TRPM8: variants seen among roughly 807,000 people sequenced by gnomAD.
TRPM8 encodes the protein TRPM8 cationic channel.
In TRPM8, 110 loss-of-function variants were observed where a neutral mutation model predicts 133.7. That is an observed-to-expected ratio of 0.82 (90% confidence interval 0.70 to 0.96). TRPM8 has a LOEUF of 0.96. TRPM8 is among the 40% of genes least tolerant of loss of function. TRPM8 has a pLI of 0.00. For synonymous variants in TRPM8, 535 were observed against 532.3 expected, an observed-to-expected ratio of 1.01 and a Z score of -0.07; for missense variants, 1,291 against 1,379.5, an observed-to-expected ratio of 0.94 and a Z score of 1.02.
At chr2:233,932,397 A>T (rs963779057) in intron 3 of TRPM8, among the ~76,000 whole-genome samples, 1 of 152,168 alleles carries the variant, frequency 6.6e-6, no homozygotes, top group Non-Finnish European at 1.5e-5. Context: ...ATGGCTCTTA[A>T]TGGTCTTGCT....
In TRPM8 at chr2:233,939,072, A is replaced by C; in HGVS notation, c.423A>C (p.Thr141=). 6.2e-7 allele frequency: 1 copy of C among 1,614,146 alleles called. No individual in the cohort carries two copies. Among genetic ancestry groups the C allele is most frequent in the East Asian group, 2.2e-5 (1 of 44,874 alleles). ...ELLTQHWHLK[T]PNLVISVTGG... ...TGACCCAGCACTGGCACCTGAAAAC[A>C]CCCAACCTGGTCATTTCTGTGACCG... Residue 141 remains threonine (T), a synonymous_variant, in exon 5 of 26, where the codon ACA becomes ACC. Transcript: ENST00000324695.
At chr2:233,961,515 A>G (rs1691437002) in intron 12 of TRPM8, among the ~76,000 whole-genome samples, 1 of 152,124 alleles carries the variant, frequency 6.6e-6, no homozygotes, top group Non-Finnish European at 1.5e-5. Flanking sequence ...CATGTTGGCC[A>G]GGCTGGTCTC....
chr2:233,939,564 TGCC>T (rs1167989374), intron 5 of TRPM8, among the ~76,000 whole-genome samples: 1 of 152,228 alleles, frequency 6.6e-6, no homozygotes, highest in Non-Finnish European at 1.5e-5. Flanking sequence ...GTAGTGACAG[TGCC>T]TGAGAAATTG....
chr2:233,964,592 A>G lies in TRPM8; in HGVS notation c.1750-36A>G, dbSNP rs764317614. The G allele has an allele frequency of 2.5e-5, 37 of 1,454,416 alleles. No homozygotes were observed. In the African/African-American group the frequency reaches 5.1e-4, roughly 20 times the overall value. 90.1% of individuals were successfully genotyped at this position (1,454,416 alleles called of 1,614,324 possible). On this transcript the variant is annotated intron_variant, in intron 13 of 25. Transcript: ENST00000324695. ...AAAAAAAAAAAGAAAAGGAAAAAAA[A>G]GAATTAACCTTAAAATTCTTCACCC...
chr2:233,964,595 A>T (rs767649031), intron 13 of TRPM8, 33 bp from the exon 14 acceptor site: 3 of 1,456,064 alleles, frequency 2.1e-6, no homozygotes, highest in South Asian at 3.0e-5. Flanking sequence ...AAAAAAAAGA[A>T]TTAACCTTAA....
chr2:233,941,656 A>G (rs1574705860), intron 5 of TRPM8, among the ~76,000 whole-genome samples: 2 of 152,164 alleles, frequency 1.3e-5, no homozygotes, highest in African/African-American at 4.8e-5. Context: ...AACATATTAC[A>G]CTAGGGTCAT....
At position 234,018,810 on chromosome 2, in the gene TRPM8, A is replaced by C. The variant is rs1374359917; in HGVS notation, c.*1554A>C. The C allele has an allele frequency of 6.6e-6, 1 of 151,508 alleles. No homozygotes were observed. Among genetic ancestry groups the C allele is most frequent in the East Asian group, 1.9e-4 (1 of 5,182 alleles). The allele number at this position is 151,508 out of a possible 1,614,324, so 9.4% of individuals were successfully genotyped here. ...CAGTGAACCAAGATTGCACCACTGC[A>C]CTCCAGCCGGGGTGACAGAGTGAGA... is the stretch of plus-strand genomic sequence containing the variant. On this transcript the variant is annotated 3_prime_UTR_variant, in exon 26 of 26. Transcript: ENST00000324695.
intron 17 of TRPM8, among the ~76,000 whole-genome samples, chr2:233,978,955 G>A (rs2125269135): frequency 6.6e-6 from 1 of 152,314 alleles, no homozygotes; most frequent in South Asian, 2.1e-4. Context: ...TTCCACATCT[G>A]AGACTGTAGG....
Position 233,981,847 on chromosome 2 carries a change from C to T in TRPM8, c.2521C>T (p.Leu841=). 1.2e-6 allele frequency: 2 copies of T among 1,613,842 alleles called. No individual in the cohort carries two copies. The highest frequency in any genetic ancestry group is 1.7e-6 in the Non-Finnish European group (2 of 1,179,872). Residue 841 remains leucine, a synonymous_variant, in exon 19 of 26, where the codon CTA becomes TTA. Coordinates refer to ENST00000324695, the MANE Select transcript of TRPM8 (RefSeq NM_024080.5). The part of the protein sequence containing the change: ...IFCLDYIIFT[L]RLIHIFTVSR... ...CTGTCTGGACTACATTATTTTCACT[C>T]TAAGATTGATCCACATTTTTACTGT... is the stretch of plus-strand genomic sequence containing the variant.
intron 12 of TRPM8, 35 bp downstream of exon 12, chr2:233,961,101 G>C: frequency 6.3e-7 from 1 of 1,596,224 alleles, no homozygotes; most frequent in Non-Finnish European, 8.5e-7. Flanking sequence ...TTGAGTTCTC[G>C]GATATTTTGA....
chr2:233,981,829 G>C lies in TRPM8; in HGVS notation c.2503G>C (p.Asp835His). 1 of 1,613,622 alleles carries C rather than the reference G, an allele frequency of 6.2e-7. No homozygotes were observed. Among genetic ancestry groups the C allele is most frequent in the Non-Finnish European group, 8.5e-7 (1 of 1,179,786 alleles). Residue 835 changes from aspartate to histidine, a missense_variant, in exon 19 of 26, where the codon GAC becomes CAC. Asp to His is a moderately conservative substitution (Grantham distance 81). Transcript: ENST00000324695. ...LYSGRVIFCL[D>H]YIIFTLRLIH... The stretch of plus-strand genomic sequence containing the variant: ...TTCTGGACGAGTCATTTTCTGTCTG[G>C]ACTACATTATTTTCACTCTAAGATT...
At chr2:233,960,336 G>C (rs1029439185) in intron 11 of TRPM8, among the ~76,000 whole-genome samples, 1 of 152,136 alleles carries the variant, frequency 6.6e-6, no homozygotes, top group African/African-American at 2.4e-5. Context: ...AGACAGCACT[G>C]GTGGCTGGGT....
chr2:233,952,499 A>C (rs139512993), intron 9 of TRPM8, among the ~76,000 whole-genome samples: 32 of 152,054 alleles, frequency 2.1e-4, no homozygotes, highest in Non-Finnish European at 3.4e-4. Context: ...CAGCATGTGC[A>C]AAGGTCCTGA....
At chr2:233,964,798 G>A (rs1691526047) in intron 14 of TRPM8, 41 bp downstream of exon 14, 3 of 1,559,390 alleles carry the variant, frequency 1.9e-6, no homozygotes, top group Admixed American at 1.7e-5. Flanking sequence ...GCGCGGATCT[G>A]CCATGTGGCA....
chr2:233,935,445 G>A (rs1691771437), intron 3 of TRPM8, among the ~76,000 whole-genome samples: 1 of 152,196 alleles, frequency 6.6e-6, no homozygotes, highest in South Asian at 2.1e-4. Context: ...GTGGTGAATG[G>A]CTGACCACAA....
At chr2:233,990,415 C>T (rs1244199592) in intron 21 of TRPM8, among the ~76,000 whole-genome samples, 2 of 152,204 alleles carry the variant, frequency 1.3e-5, no homozygotes, top group Admixed American at 6.5e-5. Context: ...ACTGGGGGAT[C>T]TCCCTTTATG....
intron 4 of TRPM8, among the ~76,000 whole-genome samples, chr2:233,937,829 C>T (rs973788122): frequency 8.5e-5 from 13 of 152,208 alleles, no homozygotes; most frequent in African/African-American, 3.1e-4. Context: ...AACCCTACTG[C>T]TTAGCTCTGC....
Position 234,006,958 on chromosome 2 carries a change from T to C in TRPM8, c.3230+6T>C. ...GCCAACGACACCTCAGAGGAGTATG[T>C]CAGACATCCCTTTCTGCTTTGCAAG... On this transcript the variant is annotated splice_donor_region_variant and intron_variant, in intron 23 of 25. Coordinates refer to ENST00000324695, the MANE Select transcript of TRPM8 (RefSeq NM_024080.5). 6.2e-7 allele frequency: 1 copy of C among 1,609,772 alleles called. No individual in the cohort carries two copies. The highest frequency in any genetic ancestry group is 1.1e-5 in the South Asian group (1 of 90,828).
intron 21 of TRPM8, among the ~76,000 whole-genome samples, chr2:233,990,939 A>G (rs909105543): frequency 2.6e-5 from 4 of 152,288 alleles, no homozygotes; most frequent in African/African-American, 4.8e-5. Context: ...ATAATGTAAT[A>G]CAAACAGCAT....
Sources: gnomAD v4.1 joint callset for allele counts (sites outside exome capture counted in the v4.1 genomes callset) on GRCh38, gnomAD v4.1.1 for gene constraint, MANE v1.5 for transcripts, NCBI Gene and HGNC (gene_info 2026-07-23, HGNC 2026-07-21) for gene names.